WIZ: variants seen among roughly 807,000 people sequenced by gnomAD.
WIZ encodes WIZ zinc finger.
Under a neutral mutation model 140.2 loss-of-function variants are expected in WIZ, and 25 were observed. The ratio of observed to expected loss-of-function variants is 0.18; its 90% CI spans 0.13 to 0.25. The LOEUF (loss-of-function observed/expected upper bound fraction) is 0.25. Ranked by LOEUF, WIZ falls within the 10% of genes least tolerant of loss-of-function variation. WIZ has a pLI of 1.00. For synonymous variants in WIZ, 1,125 were observed against 1,154.3 expected (o/e 0.97, Z 0.51); for missense variants, 2,231 against 2,632.6 (o/e 0.85, Z 3.34).
At position 15,440,527 on chromosome 19, in the gene WIZ, G is replaced by C; in HGVS notation, c.467C>G (p.Ala156Gly). 2 of 1,536,170 alleles carry C rather than the reference G, an allele frequency of 1.3e-6. No homozygotes were observed. Among genetic ancestry groups the C allele is most frequent in the Non-Finnish European group, 1.7e-6 (2 of 1,146,892 alleles). Residue 156 changes from alanine (A) to glycine (G), a missense_variant, in exon 4 of 13, where the codon GCT becomes GGT. Transcript: ENST00000673675. The surrounding 1 kb of genome is among the most constrained non-coding windows in gnomAD (Gnocchi z 6.2). ...GAACCTTCTAGAGCCCTCTAGCTCA[G>C]CGTGGGGTTTCATGGTTCTCACAAT... ...SVIVRTMKPHAELEGSRRFLH... is the reference protein window; with the variant it reads ...SVIVRTMKPHGELEGSRRFLH...
Position 15,428,115 on chromosome 19 carries a change from T to C in WIZ, c.3809A>G (p.Asn1270Ser). Reference sequence around the variant, plus strand: ...CAGCTGAAGCGAGAACCTACAGAGGTTGAGAGGAGACGGCTCCACATCAGA... The same window carrying C: ...CAGCTGAAGCGAGAACCTACAGAGGCTGAGAGGAGACGGCTCCACATCAGA... The part of the protein sequence containing the change: ...WASDVEPSPL[N>S]LSSGPEPARD... The change falls in exon 8 of 13, where the codon AAC becomes AGC. Residue 1270 changes from asparagine (N) to serine (S), a missense_variant. By Grantham distance (46) the Asn-to-Ser change is conservative. Around this residue, in one of 15 missense-constraint regions of WIZ, gnomAD observed 141 missense variants for 161.2 expected, o/e 0.87. Coordinates refer to ENST00000673675, the MANE Select transcript of WIZ (RefSeq NM_001371589.1). This position sits in a 1 kb window ranked among gnomAD's most constrained non-coding sequence, Gnocchi z 6.4. 6.5e-7 allele frequency: 1 copy of C among 1,529,994 alleles called. No individual in the cohort carries two copies. Among genetic ancestry groups the C allele is most frequent in the Non-Finnish European group, 8.7e-7 (1 of 1,145,588 alleles). The allele number at this position is 1,529,994 out of a possible 1,614,324, so 94.8% of individuals were successfully genotyped here. A position where few individuals can be genotyped will look rare whatever the true frequency, so the allele number is the denominator to read the frequency against.
At chr19:15,432,930 C>A (rs1969365180) in intron 5 of WIZ, among the ~76,000 whole-genome samples, 1 of 151,998 alleles carries the variant, frequency 6.6e-6, no homozygotes, top group Non-Finnish European at 1.5e-5. Flanking sequence ...GTCGCGCGCC[C>A]TGGCTAGCGG....
chr19:15,429,497 C>CCG, intron 7 of WIZ, 89 bp downstream of exon 7: 4 of 1,105,818 alleles, frequency 3.6e-6, no homozygotes, highest in Non-Finnish European at 3.5e-6. Flanking sequence ...CCCACCCACC[C>CCG]TGGGCCCTGT....
chr19:15,424,710 G>A lies in WIZ; in HGVS notation c.5217C>T (p.Pro1739=), dbSNP rs747264232. 16 of 1,579,930 alleles carry A rather than the reference G, an allele frequency of 1.0e-5. No individual in the cohort carries two copies. The highest frequency in any genetic ancestry group is 2.7e-5 in the African/African-American group (2 of 74,132). The change falls in exon 11 of 13, where the codon CCC becomes CCT. Residue 1739 remains proline (P), a synonymous_variant. Coordinates refer to ENST00000673675, the MANE Select transcript of WIZ (RefSeq NM_001371589.1). This position sits in a 1 kb window ranked among gnomAD's most constrained non-coding sequence, Gnocchi z 9.7. The part of the protein sequence containing the change: ...VGRSAGGEPG[P]EAGRAADGGE... ...CACCGTCGGCTGCCCGGCCAGCCTC[G>A]GGCCCTGGCTCCCCTCCGGCACTGC...
rs2145361650 is a variant in WIZ, at chr19:15,439,175, C to T, written c.1819G>A (p.Gly607Arg). Reference sequence around the variant, plus strand: ...TCGCTCCAAGGGCGCCTCCGTTCCCCCAGCCCTTGTGGGTGGACGGTGCTT... The same window carrying T: ...TCGCTCCAAGGGCGCCTCCGTTCCCTCAGCCCTTGTGGGTGGACGGTGCTT... ...NKSTVHPQGL[G>R]ERRRPWSEEE... The change falls in exon 4 of 13, where the codon GGG (glycine) becomes AGG (arginine). Residue 607 changes from glycine to arginine, a missense_variant. Gly to Arg is a moderately radical substitution (Grantham distance 125). Around this residue, in one of 15 missense-constraint regions of WIZ, gnomAD observed 475 missense variants for 520.2 expected, o/e 0.91. Transcript: ENST00000673675. This position sits in a 1 kb window ranked among gnomAD's most constrained non-coding sequence, Gnocchi z 7.0. 2 of 1,534,540 alleles carry T rather than the reference C, an allele frequency of 1.3e-6. No homozygotes were observed. The highest frequency in any genetic ancestry group is 1.2e-5 in the South Asian group (1 of 83,806).
In WIZ at chr19:15,424,751, G is replaced by A. The variant is rs752654078; in HGVS notation, c.5176C>T (p.Leu1726=). Reference sequence around the variant, plus strand: ...CCGGCACTGCGGCCGACCACGGCCAGGCCCCCGGGTGCCAGCCCCAGGGAC... The same window carrying A: ...CCGGCACTGCGGCCGACCACGGCCAAGCCCCCGGGTGCCAGCCCCAGGGAC... ...RPSLGLAPGG[L]AVVGRSAGGE... Residue 1726 remains leucine (L), a synonymous_variant, in exon 11 of 13, where the codon CTG becomes TTG. Coordinates refer to ENST00000673675, the MANE Select transcript of WIZ (RefSeq NM_001371589.1). This position sits in a 1 kb window ranked among gnomAD's most constrained non-coding sequence, Gnocchi z 9.7. 4.5e-6 allele frequency: 7 copies of A among 1,571,256 alleles called. No individual in the cohort carries two copies. Among genetic ancestry groups the A allele is most frequent in the Non-Finnish European group, 5.2e-6 (6 of 1,161,858 alleles).
chr19:15,438,469 A>G (rs1459649212), intron 4 of WIZ, 109 bp downstream of exon 4: 23 of 1,276,584 alleles, frequency 1.8e-5, no homozygotes, highest in Non-Finnish European at 2.3e-5. Context: ...GTCTCTCAGG[A>G]GCAGAGGCCC....
chr19:15,426,624 G>A (rs889673723), intron 9 of WIZ, among the ~76,000 whole-genome samples: 8 of 152,200 alleles, frequency 5.3e-5, no homozygotes, highest in Non-Finnish European at 1.0e-4. Context: ...CAGTTCAGAC[G>A]TTCACTGCCA....
At chr19:15,433,133 T>A (rs1283260916) in intron 5 of WIZ, 4 of 596,490 alleles carry the variant, frequency 6.7e-6, no homozygotes, top group Admixed American at 6.3e-5. Context: ...CCGGAAAGTC[T>A]CCATCTCCGA....
In WIZ at chr19:15,422,399, G is replaced by A. The variant is rs1968425763; in HGVS notation, c.*677C>T. ...CCAGAGCCCCTGAGGCTCTTTGGGG[G>A]GCCTTGACATGGCAGGAGGCAGCTG... On this transcript the variant is annotated 3_prime_UTR_variant, in exon 13 of 13. Transcript: ENST00000673675. The A allele has an allele frequency of 6.6e-6, 1 of 151,992 alleles. No individual in the cohort carries two copies. Among genetic ancestry groups the A allele is most frequent in the East Asian group, 2.0e-4 (1 of 5,100 alleles). The allele number at this position is 151,992 out of a possible 1,614,324, so 9.4% of individuals were successfully genotyped here.
rs1969620656 is a variant in WIZ, at chr19:15,438,975, C to A, written c.2019G>T (p.Gly673=). 2 of 1,458,372 alleles carry A rather than the reference C, an allele frequency of 1.4e-6. No individual in the cohort carries two copies. Among genetic ancestry groups the A allele is most frequent in the South Asian group, 1.4e-5 (1 of 73,026 alleles). 90.3% of individuals were successfully genotyped at this position (1,458,372 alleles called of 1,614,324 possible). The change falls in exon 4 of 13, where the codon GGG becomes GGT. Residue 673 remains glycine, a synonymous_variant. Transcript: ENST00000673675. The part of the protein sequence containing the change: ...EALQAVEATQ[G]QQQQLRGMVP... ...CCATCCCTCGGAGCTGCTGCTGCTG[C>A]CCCTGGGTGGCCTCTACTGCCTGCA... is the stretch of plus-strand genomic sequence containing the variant.
intron 1 of WIZ, among the ~76,000 whole-genome samples, chr19:15,449,114 T>C (rs1301858441): frequency 6.6e-6 from 1 of 152,026 alleles, no homozygotes; most frequent in South Asian, 2.1e-4. Flanking sequence ...GGGCTCCTGG[T>C]CCAGAAATGA....
chr19:15,436,934 G>T lies in WIZ; in HGVS notation c.2612C>A (p.Pro871His). The T allele has an allele frequency of 6.2e-7, 1 of 1,613,564 alleles. No homozygotes were observed. Among genetic ancestry groups the T allele is most frequent in the Non-Finnish European group, 8.5e-7 (1 of 1,179,776 alleles). The change falls in exon 5 of 13, where the codon CCC becomes CAC. Residue 871 changes from proline (P) to histidine (H), a missense_variant. By Grantham distance (77) the Pro-to-His change is moderately conservative. This residue lies in a region of WIZ where 137 missense variants were observed against 135.8 expected (regional missense o/e 1.01). Coordinates refer to ENST00000673675, the MANE Select transcript of WIZ (RefSeq NM_001371589.1). ...CCCAGGCTCTCGGCCCAGGGGGCTGGGGGGCTGCTCAGCAGCAGAGGTGGC... is the reference window on the plus strand; with the variant it reads ...CCCAGGCTCTCGGCCCAGGGGGCTGTGGGGCTGCTCAGCAGCAGAGGTGGC... The part of the protein sequence containing the change: ...LLATSAAEQP[P>H]SPLGREPGGP...
At chr19:15,445,065 C>A (rs1412688325) in intron 2 of WIZ, among the ~76,000 whole-genome samples, 1 of 152,232 alleles carries the variant, frequency 6.6e-6, no homozygotes, top group African/African-American at 2.4e-5. Context: ...CCAGAGGCCT[C>A]CACAGTTGAT....
chr19:15,437,123 T>G lies in WIZ; in HGVS notation c.2423A>C (p.Asn808Thr). 1 of 1,596,772 alleles carries G rather than the reference T, an allele frequency of 6.3e-7. No individual in the cohort carries two copies. ...CAGGCTGAAGGTGCCTGGGTCAAAG[T>G]TGGCCACTGTGGAGAGAGGACAGGA... Reference protein sequence around the residue: ...SFQKKKKKVANFDPGTFSLMR... With the variant: ...SFQKKKKKVATFDPGTFSLMR... The change falls in exon 5 of 13, where the codon AAC becomes ACC. Residue 808 changes from asparagine (N) to threonine (T), a missense_variant. By Grantham distance (65) the Asn-to-Thr change is moderately conservative. Coordinates refer to ENST00000673675, the MANE Select transcript of WIZ (RefSeq NM_001371589.1).
At chr19:15,423,944 G>A (rs1968540037) in intron 12 of WIZ, 3 of 440,230 alleles carry the variant, frequency 6.8e-6, no homozygotes, top group Non-Finnish European at 1.2e-5. Flanking sequence ...TTGAGGTAAG[G>A]AGCAGGTAAG....
Position 15,439,340 on chromosome 19 carries a change from C to G in WIZ, c.1654G>C (p.Gly552Arg), listed in dbSNP as rs1969641428. 3 of 1,535,500 alleles carry G rather than the reference C, an allele frequency of 2.0e-6. No individual in the cohort carries two copies. The Admixed American group carries it at 5.9e-5, about 30-fold the overall frequency. ...TCTCTGATGCTCAGCTGCTGGCATC[C>G]TGGGCCAAAGGCCAGGCTGGGGTCG... is the stretch of plus-strand genomic sequence containing the variant. Reference protein sequence around the residue: ...GYDPSLAFGPGCQQLSIRDFP... With the variant: ...GYDPSLAFGPRCQQLSIRDFP... The change falls in exon 4 of 13, where the codon GGA becomes CGA. Residue 552 changes from glycine to arginine, a missense_variant. This residue lies in a region of WIZ where 475 missense variants were observed against 520.2 expected (regional missense o/e 0.91). Coordinates refer to ENST00000673675, the MANE Select transcript of WIZ (RefSeq NM_001371589.1). This position sits in a 1 kb window ranked among gnomAD's most constrained non-coding sequence, Gnocchi z 7.0.
chr19:15,428,122 G>A lies in WIZ; in HGVS notation c.3802C>T (p.Pro1268Ser). ...IFWASDVEPS[P>S]LNLSSGPEPA... ...AGCGAGAACCTACAGAGGTTGAGAG[G>A]AGACGGCTCCACATCAGAGGCCCAG... Residue 1268 changes from proline (P) to serine (S), a missense_variant, in exon 8 of 13, where the codon CCT (proline) becomes TCT (serine). Transcript: ENST00000673675. The surrounding 1 kb of genome is among the most constrained non-coding windows in gnomAD (Gnocchi z 6.4). 2.6e-6 allele frequency: 4 copies of A among 1,534,192 alleles called. No individual in the cohort carries two copies. Among genetic ancestry groups the A allele is most frequent in the Non-Finnish European group, 3.5e-6 (4 of 1,146,754 alleles).
rs570572160 is a variant in WIZ at position 15,422,213 on chromosome 19, T to C, written c.*863A>G. 1 of 152,272 alleles carries C rather than the reference T, an allele frequency of 6.6e-6. No homozygotes were observed. The highest frequency in any genetic ancestry group is 1.9e-4 in the East Asian group (1 of 5,178). 9.4% of individuals were successfully genotyped at this position (152,272 alleles called of 1,614,324 possible). A position where few individuals can be genotyped will look rare whatever the true frequency, so the allele number is the denominator to read the frequency against. ...CTCCTGGCTTCTAGCTGGCCCAGGATTGCAAAATAAAAAGATCCACGTTCC... is the reference window on the plus strand; with the variant it reads ...CTCCTGGCTTCTAGCTGGCCCAGGACTGCAAAATAAAAAGATCCACGTTCC... On this transcript the variant is annotated 3_prime_UTR_variant, in exon 13 of 13. Transcript: ENST00000673675.
Sources: allele counts gnomAD v4.1 joint callset (sites outside exome capture counted in the v4.1 genomes callset), GRCh38; gene constraint gnomAD v4.1.1; regional missense constraint gnomAD v4.1.1; non-coding constraint Gnocchi (gnomAD v3.1); transcripts MANE v1.5; gene names NCBI Gene and HGNC (gene_info 2026-07-23, HGNC 2026-07-21).